The following UPRT variants were observed in gnomAD, a reference collection of about 807,000 sequenced individuals.
UPRT encodes RP11-311P8.3.
Under a neutral mutation model 22.6 loss-of-function variants are expected in UPRT, and 5 were observed. The ratio of observed to expected loss-of-function variants is 0.22; its 90% CI spans 0.12 to 0.47. The LOEUF (loss-of-function observed/expected upper bound fraction) is 0.47. UPRT is among the 20% of genes least tolerant of loss of function. UPRT has a pLI of 0.99. For missense variants in UPRT, 181 were observed against 239.9 expected (o/e 0.75, Z 1.62); for synonymous variants, 77 against 87.7 (o/e 0.88, Z 0.68).
chrX:75,235,749 G>C (rs866383980), intron 4 of UPRT, among the ~76,000 whole-genome samples: 2 of 111,363 alleles, frequency 1.8e-5, no homozygotes, highest in African/African-American at 6.5e-5. Context: ...ATTCAACAAC[G>C]CTTCATCCTA....
intron 4 of UPRT, among the ~76,000 whole-genome samples, chrX:75,258,199 T>TG (rs2082555497): frequency 1.9e-5 from 2 of 104,475 alleles, no homozygotes; most frequent in Non-Finnish European, 1.9e-5. Flanking sequence ...AGGTGTTTTT[T>TG]TTTTTTTTTT....
intron 4 of UPRT, among the ~76,000 whole-genome samples, chrX:75,236,749 T>G (rs890148258): frequency 8.9e-6 from 1 of 112,427 alleles, no homozygotes; most frequent in African/African-American, 3.2e-5. Flanking sequence ...TAGCCAGATG[T>G]AGAAAGCTGA....
At chrX:75,283,749 G>A (rs1461572645) in intron 1 of UPRT, among the ~76,000 whole-genome samples, 3 of 111,050 alleles carry the variant, frequency 2.7e-5, no homozygotes, top group Non-Finnish European at 5.7e-5. Flanking sequence ...CTTAACTTTG[G>A]ATAGCCCGAC....
chrX:75,214,682 G>A (rs1387577139), intron 4 of UPRT, among the ~76,000 whole-genome samples: 1 of 112,128 alleles, frequency 8.9e-6, no homozygotes. Context: ...GGCTGAGGCA[G>A]GAGGATCACT....
intron 4 of UPRT, among the ~76,000 whole-genome samples, chrX:75,185,957 C>G (rs1288163756): frequency 2.8e-5 from 3 of 107,500 alleles, no homozygotes; most frequent in Non-Finnish European, 5.8e-5. Context: ...TTTTGTTGAT[C>G]CTTTCAAAAA....
At chrX:75,266,566 T>C (rs1467762683) in intron 4 of UPRT, among the ~76,000 whole-genome samples, 2 of 111,297 alleles carry the variant, frequency 1.8e-5, no homozygotes, top group Non-Finnish European at 1.9e-5. Context: ...AAAGCAATGA[T>C]AATAAAAGAC....
chrX:75,229,928 C>T (rs1383315756), intron 4 of UPRT, among the ~76,000 whole-genome samples: 2 of 112,279 alleles, frequency 1.8e-5, no homozygotes, highest in Admixed American at 9.4e-5. Context: ...GATATGAGTG[C>T]AGAAGCCACA....
chrX:75,253,830 A>G (rs1031333065), intron 4 of UPRT, among the ~76,000 whole-genome samples: 2 of 112,061 alleles, frequency 1.8e-5, no homozygotes, highest in African/African-American at 6.5e-5. Context: ...TAGGTTATGG[A>G]AGATTCTGAC....
intron 4 of UPRT, among the ~76,000 whole-genome samples, chrX:75,180,703 T>G (rs934771348): frequency 3.7e-4 from 35 of 94,534 alleles, no homozygotes; most frequent in East Asian, 6.5e-4. Context: ...TTGTTTTTTT[T>G]TTTTTTTTTT....
At chrX:75,207,395 C>T (rs1351551849) in intron 4 of UPRT, among the ~76,000 whole-genome samples, 1 of 111,377 alleles carries the variant, frequency 9.0e-6, no homozygotes, top group African/African-American at 3.3e-5. Flanking sequence ...AGCCATGGCT[C>T]CCTAAAAGAG....
intron 4 of UPRT, among the ~76,000 whole-genome samples, chrX:75,222,027 C>T: frequency 8.9e-6 from 1 of 111,926 alleles, no homozygotes; most frequent in Middle Eastern, 4.6e-3. Flanking sequence ...GTCACTGCTT[C>T]TATATCTGCA....
At chrX:75,263,082 G>C (rs1027915717) in intron 4 of UPRT, among the ~76,000 whole-genome samples, 1 of 111,966 alleles carries the variant, frequency 8.9e-6, no homozygotes, top group South Asian at 3.7e-4. Context: ...AAATGCAGAA[G>C]AACAGAAATC....
At chrX:75,203,214 TG>T (rs2082352249) in intron 4 of UPRT, among the ~76,000 whole-genome samples, 1 of 111,153 alleles carries the variant, frequency 9.0e-6, no homozygotes, top group African/African-American at 3.3e-5. Flanking sequence ...CCTTACATAA[TG>T]GTAAAGGAAT....
At chrX:75,196,144 A>G (rs769397426) in intron 4 of UPRT, among the ~76,000 whole-genome samples, 37 of 112,154 alleles carry the variant, frequency 3.3e-4, no homozygotes, top group Admixed American at 8.5e-4. Flanking sequence ...CAATCCACGA[A>G]TATGAGTTTT....
At chrX:75,243,804 C>G (rs2082495563) in intron 4 of UPRT, among the ~76,000 whole-genome samples, 1 of 111,486 alleles carries the variant, frequency 9.0e-6, no homozygotes, top group African/African-American at 3.2e-5. Context: ...TCCCGGAATG[C>G]CCTACAATAA....
chrX:75,171,580 C>T (rs774736662), intron 4 of UPRT, among the ~76,000 whole-genome samples: 9 of 110,033 alleles, frequency 8.2e-5, no homozygotes, highest in African/African-American at 9.9e-5. Flanking sequence ...CAGGTAAATC[C>T]GGGATTTCTT....
At chrX:75,181,066 T>C (rs929692348) in intron 4 of UPRT, among the ~76,000 whole-genome samples, 4 of 111,256 alleles carry the variant, frequency 3.6e-5, no homozygotes, top group African/African-American at 1.3e-4. Flanking sequence ...TTCAGTCTTC[T>C]GCGTATGCTA....
chrX:75,242,063 G>C (rs985069889), intron 4 of UPRT, among the ~76,000 whole-genome samples: 5 of 110,128 alleles, frequency 4.5e-5, no homozygotes, highest in Admixed American at 3.9e-4. Context: ...TCCCAAAAAG[G>C]AATGAAATAA....
chrX:75,237,406 C>G (rs920296300), intron 4 of UPRT, among the ~76,000 whole-genome samples: 3 of 111,666 alleles, frequency 2.7e-5, no homozygotes, highest in African/African-American at 9.8e-5. Context: ...CCTCATGGAT[C>G]TAGAACTAGA....
Sources: allele counts gnomAD v4.1 joint callset (sites outside exome capture counted in the v4.1 genomes callset), GRCh38; gene constraint gnomAD v4.1.1; transcripts MANE v1.5; gene names NCBI Gene and HGNC (gene_info 2026-07-23, HGNC 2026-07-21).